DSCAM: variants seen among roughly 807,000 people sequenced by gnomAD.
DSCAM encodes the protein cell adhesion molecule DSCAM.
In DSCAM, 47 loss-of-function variants were observed where a neutral mutation model predicts 217.7. That is an observed-to-expected ratio of 0.22 (90% CI 0.17 to 0.28). The LOEUF is 0.28. Ranked by LOEUF, DSCAM falls within the 10% of genes least tolerant of loss-of-function variation. The probability of loss-of-function intolerance (pLI) is 1.00; values close to 1 mark genes in which losing one functional copy is unlikely to be tolerated. For missense variants in DSCAM, 2,080 were observed against 2,618.3 expected (o/e 0.79, Z 4.49); for synonymous variants, 1,056 against 1,015.3 (o/e 1.04, Z -0.76).
chr21:40,362,004 T>C lies in DSCAM; in HGVS notation c.655+7095A>G, dbSNP rs190720805. ...GTTCTCATTGTTCAATTCCCATCTA[T>C]GAGTGAGAACATGCGGTGTTTGGTT... On this transcript the variant is annotated intron_variant, in intron 4 of 32. Transcript: ENST00000400454. 3.9e-4 allele frequency among the ~76,000 whole-genome samples: 60 copies of C among 152,286 alleles called. 1 individual carries two copies. In the East Asian group the frequency reaches 4.6e-3, roughly 12 times the overall value.
chr21:40,790,501 T>G (rs1008332376), intron 1 of DSCAM, among the ~76,000 whole-genome samples: 1 of 152,238 alleles, frequency 6.6e-6, no homozygotes, highest in Non-Finnish European at 1.5e-5. Context: ...TTCTGACAGC[T>G]CGTTTTGCCC....
chr21:40,492,347 C>G (rs1601687153), intron 3 of DSCAM, among the ~76,000 whole-genome samples: 1 of 152,040 alleles, frequency 6.6e-6, no homozygotes, highest in Non-Finnish European at 1.5e-5. Flanking sequence ...GACTTCCCAC[C>G]ACACTCCCAG....
chr21:40,134,276 A>G (rs553663952), intron 18 of DSCAM, among the ~76,000 whole-genome samples: 1 of 152,204 alleles, frequency 6.6e-6, no homozygotes, highest in East Asian at 1.9e-4. Flanking sequence ...GCTCCAAGTT[A>G]AGTGTTATCA....
In DSCAM at chr21:40,666,897, C is replaced by A. The variant is rs150756449; in HGVS notation, c.508+25913G>T. ...GGTTAGTTCCCCATTAAGTTGCTTC[C>A]TTGGTTGGCTTTATTATTTCATCTG... On this transcript the variant is annotated intron_variant, in intron 3 of 32. Transcript: ENST00000400454. 3.4e-3 allele frequency among the ~76,000 whole-genome samples: 519 copies of A among 152,310 alleles called. 2 individuals carry two copies. The highest frequency in any genetic ancestry group is 0.024 in the Middle Eastern group (7 of 294).
At position 40,714,357 on chromosome 21, in the gene DSCAM, G is replaced by A. The variant is rs552667243; in HGVS notation, c.44-5586C>T. 2.0e-5 allele frequency among the ~76,000 whole-genome samples: 3 copies of A among 152,290 alleles called. No individual in the cohort carries two copies. The South Asian group carries it at 6.2e-4, about 32-fold the overall frequency. On this transcript the variant is annotated intron_variant, in intron 1 of 32. Coordinates refer to ENST00000400454, the MANE Select transcript of DSCAM (RefSeq NM_001389.5). Reference sequence around the variant, plus strand: ...AGACATAAGACTCCAACCCATGAGAGCTGCTGGGTAAACTGAGCCCAAGAG... The same window carrying A: ...AGACATAAGACTCCAACCCATGAGAACTGCTGGGTAAACTGAGCCCAAGAG...
At chr21:40,527,360 C>T (rs2205131) in intron 3 of DSCAM, among the ~76,000 whole-genome samples, 41,433 of 152,084 alleles carry the variant, frequency 0.27, 7,109 homozygotes, top group African/African-American at 0.47. Flanking sequence ...CATTGGCCCA[C>T]AGAATGTGAA....
chr21:40,719,990 A>T lies in DSCAM; in HGVS notation c.44-11219T>A, dbSNP rs541762443. 4.6e-5 allele frequency among the ~76,000 whole-genome samples: 7 copies of T among 152,352 alleles called. No individual in the cohort carries two copies. In the East Asian group the frequency reaches 9.6e-4, roughly 21 times the overall value. On this transcript the variant is annotated intron_variant, in intron 1 of 32. Coordinates refer to ENST00000400454, the MANE Select transcript of DSCAM (RefSeq NM_001389.5). ...AAGGAGATAAATAGGAAATTAGGAG[A>T]TCAGTAGCTCAAACCCTAGAGAGTG... is the stretch of plus-strand genomic sequence containing the variant.
In DSCAM at chr21:40,226,488, G is replaced by T. The variant is rs145201222; in HGVS notation, c.2357-37250C>A. Among the ~76,000 whole-genome samples, 665 of 152,162 alleles carry T rather than the reference G, an allele frequency of 4.4e-3. 7 individuals are homozygous for T. The highest frequency in any genetic ancestry group is 0.015 in the African/African-American group (643 of 41,526). Reference sequence around the variant, plus strand: ...AGCAGAAGAGATTCTATATTAAAATGATATTTTCTATTTGGCTACGAAATG... The same window carrying T: ...AGCAGAAGAGATTCTATATTAAAATTATATTTTCTATTTGGCTACGAAATG... On this transcript the variant is annotated intron_variant, in intron 11 of 32. Transcript: ENST00000400454.
intron 1 of DSCAM, among the ~76,000 whole-genome samples, chr21:40,813,645 GTTT>G (rs869088003): frequency 3.2e-5 from 4 of 126,496 alleles, no homozygotes; most frequent in African/African-American, 5.8e-5. Context: ...TTTCTTTCTT[GTTT>G]TTTTTTTTTT....
intron 3 of DSCAM, among the ~76,000 whole-genome samples, chr21:40,411,175 TAC>T (rs902494368): frequency 0.071 from 3,196 of 45,022 alleles, 57 homozygotes; most frequent in Middle Eastern, 0.22. Context: ...AGTAATTATA[TAC>T]ACACACACAC....
chr21:40,173,075 C>A (rs530599628), intron 15 of DSCAM, among the ~76,000 whole-genome samples: 1 of 152,230 alleles, frequency 6.6e-6, no homozygotes, highest in Admixed American at 6.5e-5. Flanking sequence ...TGCTAAACAC[C>A]AATCTAGGTG....
chr21:40,710,445 A>AT (rs1388209962), intron 1 of DSCAM, among the ~76,000 whole-genome samples: 1 of 152,180 alleles, frequency 6.6e-6, no homozygotes, highest in Non-Finnish European at 1.5e-5. Flanking sequence ...AAAATGTACC[A>AT]TTTTTATAAC....
At chr21:40,652,993 T>G (rs2146363468) in intron 3 of DSCAM, among the ~76,000 whole-genome samples, 1 of 152,262 alleles carries the variant, frequency 6.6e-6, no homozygotes, top group Admixed American at 6.5e-5. Context: ...GCTCCCTGGT[T>G]GATGATACTC....
At chr21:40,308,917 C>G (rs2074108800) in intron 9 of DSCAM, among the ~76,000 whole-genome samples, 1 of 152,146 alleles carries the variant, frequency 6.6e-6, no homozygotes, top group African/African-American at 2.4e-5. Context: ...GAGCTTCACA[C>G]CATGGTTGTT....
intron 3 of DSCAM, among the ~76,000 whole-genome samples, chr21:40,476,594 A>C (rs2075938202): frequency 6.6e-6 from 1 of 152,156 alleles, no homozygotes; most frequent in Non-Finnish European, 1.5e-5. Flanking sequence ...GAGCTTTCGA[A>C]TGTGCTTAAG....
intron 14 of DSCAM, among the ~76,000 whole-genome samples, chr21:40,180,365 G>T (rs1474002555): frequency 6.6e-6 from 1 of 152,208 alleles, no homozygotes; most frequent in Non-Finnish European, 1.5e-5. Flanking sequence ...CTCAGAGAAT[G>T]AAGCCTAATA....
chr21:40,287,080 C>T (rs1401917267), intron 10 of DSCAM, among the ~76,000 whole-genome samples: 1 of 149,186 alleles, frequency 6.7e-6, no homozygotes, highest in African/African-American at 2.5e-5. Context: ...AGGTGATCTG[C>T]AATGTCATCC....
intron 3 of DSCAM, among the ~76,000 whole-genome samples, chr21:40,378,163 T>G (rs1169819608): frequency 6.6e-6 from 1 of 152,206 alleles, no homozygotes; most frequent in Admixed American, 6.5e-5. Context: ...TTAGTCAACT[T>G]AATATTGCAA....
At chr21:40,530,912 T>TTCAA (rs2076439927) in intron 3 of DSCAM, among the ~76,000 whole-genome samples, 1 of 81,492 alleles carries the variant, frequency 1.2e-5, no homozygotes, top group African/African-American at 9.8e-5. Flanking sequence ...CATCCATCCA[T>TTCAA]CCATTCAACC....
Sources: allele counts gnomAD v4.1 joint callset (sites outside exome capture counted in the v4.1 genomes callset), GRCh38; gene constraint gnomAD v4.1.1; transcripts MANE v1.5; gene names NCBI Gene and HGNC (gene_info 2026-07-23, HGNC 2026-07-21).